Variants in VWF observed in about 807,000 individuals in gnomAD.
VWF encodes the protein von Willebrand factor, also known as Factor VIII related antigen.
A neutral mutation model predicts 308.6 loss-of-function variants in VWF; 176 were observed. That is an observed-to-expected ratio of 0.57 (90% CI 0.50 to 0.65). The LOEUF is 0.65. Among genes scored for constraint, VWF ranks in the 30% least tolerant of loss-of-function variants. The pLI, the probability that VWF is intolerant of heterozygous loss-of-function variation, is 0.00. For missense variants in VWF, 3,146 were observed against 3,648.2 expected, an observed-to-expected ratio of 0.86 and a Z score of 3.55; for synonymous variants, 1,385 against 1,443.4, an observed-to-expected ratio of 0.96 and a Z score of 0.92.
At chr12:6,104,821 T>C (rs1945223142) in intron 5 of VWF, among the ~76,000 whole-genome samples, 1 of 152,214 alleles carries the variant, frequency 6.6e-6, no homozygotes, top group Admixed American at 6.5e-5. Context: ...TTGTGCATTA[T>C]TCACAATAGC....
chr12:6,100,581 T>C (rs556702853), intron 5 of VWF, among the ~76,000 whole-genome samples: 2 of 152,182 alleles, frequency 1.3e-5, no homozygotes, highest in African/African-American at 4.8e-5. Flanking sequence ...GATGAGTTCA[T>C]GTCCTTTGTA....
intron 13 of VWF, among the ~76,000 whole-genome samples, chr12:6,061,640 C>T (rs752744879): frequency 4.6e-5 from 7 of 152,094 alleles, no homozygotes; most frequent in Non-Finnish European, 1.0e-4. Flanking sequence ...ATACAGGACC[C>T]CAGGAGGCAG....
rs748289333 is a variant in VWF at position 6,019,581 on chromosome 12, G to A, written c.3837C>T (p.Val1279=). The stretch of plus-strand genomic sequence containing the variant: ...GCCTGGAGGAGCCATCCAGCAGGAA[G>A]ACCAGGTCCAGTAGCCTGCTGCAGT... ...DFYCSRLLDL[V]FLLDGSSRLS... is the part of the protein sequence containing the mutation. Residue 1279 remains valine (V), a synonymous_variant, in exon 28 of 52, where the codon GTC becomes GTT. Coordinates refer to ENST00000261405, the MANE Select transcript of VWF (RefSeq NM_000552.5). The surrounding 1 kb of genome is among the most constrained non-coding windows in gnomAD (Gnocchi z 5.8). The A allele has an allele frequency of 9.9e-6, 16 of 1,613,878 alleles. No homozygotes were observed. Among genetic ancestry groups the A allele is most frequent in the East Asian group, 8.9e-5 (4 of 44,888 alleles).
Position 6,020,838 on chromosome 12 carries a change from G to C in VWF, c.3674+1062C>G, listed in dbSNP as rs1461359447. Among the ~76,000 whole-genome samples, 1 of 152,246 alleles carries C rather than the reference G, an allele frequency of 6.6e-6. No individual in the cohort carries two copies. The highest frequency in any genetic ancestry group is 1.5e-5 in the Non-Finnish European group (1 of 68,046). ...TGTCCACACACTGCTTGCAGCTTCA[G>C]CGTGCACCGTGGCAGCTGCCCCTGC... On this transcript the variant is annotated intron_variant, in intron 27 of 51. Coordinates refer to ENST00000261405, the MANE Select transcript of VWF (RefSeq NM_000552.5). The surrounding 1 kb of genome is among the most constrained non-coding windows in gnomAD (Gnocchi z 4.3).
chr12:6,103,490 GTGTA>G (rs1432062725), intron 5 of VWF, among the ~76,000 whole-genome samples: 1,330 of 119,902 alleles, frequency 0.011, 54 homozygotes, highest in African/African-American at 0.052. Context: ...ATACATATAT[GTGTA>G]TACACACACG....
intron 20 of VWF, among the ~76,000 whole-genome samples, chr12:6,032,820 A>G (rs995511148): frequency 6.6e-6 from 1 of 151,824 alleles, no homozygotes; most frequent in Non-Finnish European, 1.5e-5. Flanking sequence ...TCATACACAC[A>G]CTCACACACG....
intron 34 of VWF, among the ~76,000 whole-genome samples, chr12:6,007,764 G>A (rs946120973): frequency 6.6e-6 from 1 of 151,918 alleles, no homozygotes; most frequent in African/African-American, 2.4e-5. Context: ...ACTTAGAATT[G>A]GTTTTTTAAA....
intron 3 of VWF, among the ~76,000 whole-genome samples, chr12:6,117,891 AGAG>A (rs760752838): frequency 6.6e-6 from 1 of 152,220 alleles, no homozygotes; most frequent in Non-Finnish European, 1.5e-5. Context: ...GAGGGAGAGC[AGAG>A]GAGAACACGG....
In VWF at chr12:5,971,582, C is replaced by CG. The variant is rs767733636; in HGVS notation, c.7548+16dup. ...CCCCAATCTGCCCTCCTCCCCGTCC[C>CG]GGGGGCCTGGACCTACACTCTTCCA... On this transcript the variant is annotated intron_variant, in intron 44 of 51. Transcript: ENST00000261405. The CG allele has an allele frequency of 6.2e-7, 1 of 1,606,752 alleles. No individual in the cohort carries two copies. Among genetic ancestry groups the CG allele is most frequent in the East Asian group, 2.2e-5 (1 of 44,838 alleles).
rs552849387 is a variant in VWF at position 6,082,615 on chromosome 12, G to A, written c.658-7064C>T. ...TGGGGCAGCCCACTGTTCAAACTAC[G>A]TTCTAATAAGGCAAATGTTGCGCTG... On this transcript the variant is annotated intron_variant, in intron 6 of 51. Transcript: ENST00000261405. 2.8e-4 allele frequency among the ~76,000 whole-genome samples: 43 copies of A among 152,328 alleles called. 1 individual carries two copies. In the South Asian group the frequency reaches 6.6e-3, roughly 23 times the overall value.
chr12:6,090,607 TC>T (rs1945022492), intron 6 of VWF, among the ~76,000 whole-genome samples: 2 of 95,986 alleles, frequency 2.1e-5, no homozygotes, highest in Non-Finnish European at 4.2e-5. Flanking sequence ...CAACAACTCC[TC>T]CTCCTCCTCC....
intron 44 of VWF, among the ~76,000 whole-genome samples, 183 bp from the exon 45 acceptor site, chr12:5,969,574 TCAAA>T (rs1351377087): frequency 5.9e-5 from 9 of 152,134 alleles, no homozygotes; most frequent in Non-Finnish European, 1.0e-4. Context: ...TGAGCACCAC[TCAAA>T]CAGTTTGGGT....
chr12:6,011,648 T>C lies in VWF; in HGVS notation c.5811A>G (p.Glu1937=). The C allele has an allele frequency of 6.2e-7, 1 of 1,612,968 alleles. No homozygotes were observed. Among genetic ancestry groups the C allele is most frequent in the Non-Finnish European group, 8.5e-7 (1 of 1,179,634 alleles). Reference sequence around the variant, plus strand: ...AGGTCCAGCGGCAGCCACAGGTCTCTTCCACTTTAACAGGGGACTGGCTGT... The same window carrying C: ...AGGTCCAGCGGCAGCCACAGGTCTCCTCCACTTTAACAGGGGACTGGCTGT... ...CPNSQSPVKV[E]ETCGCRWTCP... is the part of the protein sequence containing the mutation. Residue 1937 remains glutamate (E), a synonymous_variant, in exon 34 of 52, where the codon GAA becomes GAG. Coordinates refer to ENST00000261405, the MANE Select transcript of VWF (RefSeq NM_000552.5).
intron 38 of VWF, among the ~76,000 whole-genome samples, chr12:5,991,220 C>T (rs1009770848): frequency 2.0e-5 from 3 of 151,684 alleles, no homozygotes; most frequent in Admixed American, 6.6e-5. Context: ...TGCACACACA[C>T]GCTCCATGAT....
intron 6 of VWF, among the ~76,000 whole-genome samples, chr12:6,079,388 A>C (rs181090115): frequency 8.1e-4 from 124 of 152,208 alleles, no homozygotes; most frequent in Admixed American, 1.8e-3. Flanking sequence ...GGGCGGATCA[A>C]GAGGTCAGGA....
intron 41 of VWF, among the ~76,000 whole-genome samples, chr12:5,982,348 G>A (rs745554651): frequency 6.6e-6 from 1 of 152,126 alleles, no homozygotes; most frequent in Non-Finnish European, 1.5e-5. Flanking sequence ...GGTACACCAC[G>A]CCCTGCTAAG....
At chr12:6,005,800 T>C (rs1002090070) in intron 34 of VWF, among the ~76,000 whole-genome samples, 1 of 152,164 alleles carries the variant, frequency 6.6e-6, no homozygotes, top group African/African-American at 2.4e-5. Flanking sequence ...ATAAAGACTT[T>C]CTCATGTGCA....
chr12:5,978,817 CG>C (rs1943560933), intron 42 of VWF, among the ~76,000 whole-genome samples: 1 of 152,144 alleles, frequency 6.6e-6, no homozygotes, highest in South Asian at 2.1e-4. Context: ...CAGATCATAC[CG>C]CCTAAATACC....
At chr12:5,960,341 T>A (rs1943299896) in intron 47 of VWF, among the ~76,000 whole-genome samples, 1 of 152,106 alleles carries the variant, frequency 6.6e-6, no homozygotes, top group Admixed American at 6.5e-5. Flanking sequence ...CGTTTTTTTA[T>A]TTTAAAAGTT....
Sources: allele counts gnomAD v4.1 joint callset (sites outside exome capture counted in the v4.1 genomes callset), GRCh38; gene constraint gnomAD v4.1.1; non-coding constraint Gnocchi (gnomAD v3.1); transcripts MANE v1.5; gene names NCBI Gene and HGNC (gene_info 2026-07-23, HGNC 2026-07-21).